Variants in LDB2 observed in about 807,000 individuals in gnomAD.
LDB2 encodes the protein LIM domain-binding protein 2.
In LDB2, 12 loss-of-function variants were observed where a neutral mutation model predicts 44.3. The observed-to-expected ratio is 0.27, with a 90% CI of 0.17 to 0.44. The LOEUF (loss-of-function observed/expected upper bound fraction) is 0.44. Among genes scored for constraint, LDB2 ranks in the 20% least tolerant of loss-of-function variants. LDB2 has a pLI of 1.00. For missense variants in LDB2, 344 were observed against 473.5 expected (o/e 0.73, Z 2.54); for synonymous variants, 164 against 174.8 (o/e 0.94, Z 0.49).
At chr4:16,706,954 C>A (rs1754745310) in intron 2 of LDB2, among the ~76,000 whole-genome samples, 1 of 152,132 alleles carries the variant, frequency 6.6e-6, no homozygotes, top group Non-Finnish European at 1.5e-5. Flanking sequence ...CAATTCTGTA[C>A]CCTCAACATC....
At chr4:16,865,208 C>T (rs995740542) in intron 1 of LDB2, among the ~76,000 whole-genome samples, 2 of 152,036 alleles carry the variant, frequency 1.3e-5, no homozygotes, top group South Asian at 4.2e-4. Context: ...GCAGAGACAG[C>T]GCCACTGCAC....
At chr4:16,715,914 T>C (rs2152671845) in intron 2 of LDB2, among the ~76,000 whole-genome samples, 1 of 152,260 alleles carries the variant, frequency 6.6e-6, no homozygotes, top group Admixed American at 6.5e-5. Flanking sequence ...ATATCCTTAG[T>C]TCACTTAAGG....
intron 2 of LDB2, among the ~76,000 whole-genome samples, chr4:16,661,478 T>C (rs1400994625): frequency 6.6e-6 from 1 of 152,238 alleles, no homozygotes; most frequent in Non-Finnish European, 1.5e-5. Context: ...CCCACCATGC[T>C]GCAGTTTCCT....
intron 1 of LDB2, among the ~76,000 whole-genome samples, chr4:16,814,291 G>A (rs1780504262): frequency 6.6e-6 from 1 of 152,172 alleles, no homozygotes; most frequent in Admixed American, 6.5e-5. Context: ...GAGTCCTGTG[G>A]CTACTCGTCT....
intron 5 of LDB2, among the ~76,000 whole-genome samples, chr4:16,553,111 C>A (rs1472678072): frequency 2.0e-5 from 3 of 152,194 alleles, no homozygotes; most frequent in Non-Finnish European, 4.4e-5. Flanking sequence ...GAAGGATTTT[C>A]TTTGGCAGAT....
At chr4:16,620,736 G>A (rs576732474) in intron 2 of LDB2, among the ~76,000 whole-genome samples, 1 of 152,290 alleles carries the variant, frequency 6.6e-6, no homozygotes, top group Admixed American at 6.5e-5. Flanking sequence ...GGGAATGTGT[G>A]TTCTACTCAG....
intron 2 of LDB2, among the ~76,000 whole-genome samples, chr4:16,697,119 A>G (rs1364913327): frequency 6.6e-6 from 1 of 152,124 alleles, no homozygotes; most frequent in Non-Finnish European, 1.5e-5. Context: ...ATAAATTACA[A>G]GTTCTTCAAA....
chr4:16,681,618 C>CTTTTTTTTTTT (rs536589787), intron 2 of LDB2, among the ~76,000 whole-genome samples: 3 of 61,670 alleles, frequency 4.9e-5, no homozygotes, highest in African/African-American at 6.5e-5. Flanking sequence ...GTATTCTATT[C>CTTTTTTTTTTT]TTTTTTTTTT....
At chr4:16,560,883 T>C (rs968454646) in intron 5 of LDB2, among the ~76,000 whole-genome samples, 2 of 152,206 alleles carry the variant, frequency 1.3e-5, no homozygotes, top group African/African-American at 4.8e-5. Context: ...TCAAGTGGGC[T>C]TCATCCCTGG....
chr4:16,567,341 C>A (rs574567565), intron 5 of LDB2, among the ~76,000 whole-genome samples: 1 of 152,168 alleles, frequency 6.6e-6, no homozygotes, highest in African/African-American at 2.4e-5. Flanking sequence ...AATGCCACTG[C>A]TCAACGGTTA....
intron 1 of LDB2, among the ~76,000 whole-genome samples, chr4:16,862,206 C>A (rs1258819054): frequency 1.3e-5 from 2 of 151,906 alleles, no homozygotes; most frequent in African/African-American, 4.8e-5. Context: ...TCCTTTAAGT[C>A]TCTTTCTTTT....
At chr4:16,517,504 TGTCTGCAAC>T (rs1724212022) in intron 5 of LDB2, among the ~76,000 whole-genome samples, 1 of 152,174 alleles carries the variant, frequency 6.6e-6, no homozygotes, top group Admixed American at 6.5e-5. Context: ...AAAGACAACA[TGTCTGCAAC>T]ATCTGCAGCA....
In LDB2 at chr4:16,794,912, A is replaced by G. The variant is rs1272970661; in HGVS notation, c.133-35652T>C. On this transcript the variant is annotated intron_variant, in intron 1 of 7. Transcript: ENST00000304523. ...ATACAATCATGTGTTCATTTACTCA[A>G]CCTGACAGTATTGAGCACTCATGGC... 2.6e-5 allele frequency among the ~76,000 whole-genome samples: 4 copies of G among 152,164 alleles called. No individual in the cohort carries two copies. The East Asian group carries it at 7.7e-4, about 29-fold the overall frequency.
At chr4:16,898,243 G>A in intron 1 of LDB2, 111 bp downstream of exon 1, 1 of 1,040,878 alleles carries the variant, frequency 9.6e-7, no homozygotes, top group African/African-American at 1.6e-5. Flanking sequence ...CCACGTACGT[G>A]GTAGTATCAA....
intron 1 of LDB2, among the ~76,000 whole-genome samples, chr4:16,897,671 A>G (rs908073752): frequency 6.6e-6 from 1 of 151,830 alleles, no homozygotes; most frequent in Non-Finnish European, 1.5e-5. Flanking sequence ...AGGTAGAGTG[A>G]TAGGGGGGCA....
At chr4:16,597,314 C>T (rs940074211) in intron 2 of LDB2, among the ~76,000 whole-genome samples, 1 of 152,050 alleles carries the variant, frequency 6.6e-6, no homozygotes, top group Non-Finnish European at 1.5e-5. Context: ...GCTAAATATT[C>T]CAGGATTTTC....
chr4:16,681,171 T>G (rs1747746842), intron 2 of LDB2, among the ~76,000 whole-genome samples: 1 of 152,218 alleles, frequency 6.6e-6, no homozygotes, highest in African/African-American at 2.4e-5. Context: ...TTTCTCTGGC[T>G]GGTTGTAGAA....
chr4:16,874,454 A>G (rs1476625584), intron 1 of LDB2, among the ~76,000 whole-genome samples: 2 of 152,188 alleles, frequency 1.3e-5, no homozygotes, highest in Admixed American at 6.5e-5. Flanking sequence ...TTGTCATTGT[A>G]CATGTACAAA....
In LDB2 at chr4:16,502,655, C is replaced by T. The variant is rs199944601; in HGVS notation, c.1110G>A (p.Gln370=). 38 of 1,613,744 alleles carry T rather than the reference C, an allele frequency of 2.4e-5. No homozygotes were observed. In the East Asian group the frequency reaches 8.0e-4, roughly 34 times the overall value. ...GGTGCCGATCATCTTATTGGGAAGC[C>T]TGGGGTGGGGGGTTTTCTGATTTGG... The part of the protein sequence containing the change: ...QETKSENPPP[Q]ASQ Residue 370 remains glutamine, a synonymous_variant, in exon 8 of 8, where the codon CAG becomes CAA. Transcript: ENST00000304523.
Sources: gnomAD v4.1 joint callset for allele counts (sites outside exome capture counted in the v4.1 genomes callset) on GRCh38, gnomAD v4.1.1 for gene constraint, MANE v1.5 for transcripts, NCBI Gene and HGNC (gene_info 2026-07-23, HGNC 2026-07-21) for gene names.